Variants in GP6 observed in about 807,000 individuals in gnomAD.
GP6 encodes platelet glycoprotein VI.
GP6 carries 45 observed loss-of-function variants against 37.3 expected under a neutral mutation model. The ratio of observed to expected loss-of-function variants is 1.21; its 90% CI spans 0.95 to 1.55. GP6 has a LOEUF of 1.55. Among genes scored for constraint, GP6 ranks in the 40% most tolerant of loss-of-function variants. GP6 has a pLI of 0.00. For synonymous variants in GP6, 340 were observed against 316.4 expected (o/e 1.07, Z -0.79); for missense variants, 813 against 760.2 (o/e 1.07, Z -0.82).
intron 2 of GP6, 35 bp from the exon 3 acceptor site, chr19:55,032,431 C>CAGACCCCGCCT (rs2074599901): frequency 6.2e-7 from 1 of 1,611,508 alleles, no homozygotes; most frequent in Non-Finnish European, 8.5e-7. Flanking sequence ...AGCCTCCCCG[C>CAGACCCCGCCT]AGACCCCGCC....
At chr19:55,024,265 T>C (rs200950822) in intron 5 of GP6, among the ~76,000 whole-genome samples, 604 of 28,140 alleles carry the variant, frequency 0.021, 10 homozygotes, top group African/African-American at 0.04. Context: ...CACGCACACA[T>C]ATGCACGCAT....
In GP6 at chr19:55,014,507, GA is replaced by G. The variant is rs1416422149; in HGVS notation, c.1437del (p.Leu480CysfsTer21). On this transcript the variant is annotated frameshift_variant, in exon 8 of 8. Transcript: ENST00000310373. LOFTEE classifies it low-confidence loss of function (END_TRUNC). Reference sequence around the variant, plus strand: ...CTGGGGAAAACCAGACAAGAGCACAGAGGGCCAAAGGGAAGCACGGGAGGAT... The same window carrying G: ...CTGGGGAAAACCAGACAAGAGCACAGGGGCCAAAGGGAAGCACGGGAGGAT... 12 of 1,613,946 alleles carry G rather than the reference GA, an allele frequency of 7.4e-6. No individual in the cohort carries two copies. Among genetic ancestry groups the G allele is most frequent in the Non-Finnish European group, 1.0e-5 (12 of 1,179,922 alleles).
intron 6 of GP6, among the ~76,000 whole-genome samples, chr19:55,017,132 T>TC (rs905202978): frequency 7.3e-5 from 11 of 151,460 alleles, no homozygotes; most frequent in Non-Finnish European, 1.2e-4. Flanking sequence ...TTTTTTTTTT[T>TC]TTAATACGGA....
chr19:55,015,111 G>T lies in GP6; in HGVS notation c.834C>A (p.Gly278=). ...CCCCGCCAGGATTATTAGGATCACA[G>T]CCCCGAGGCATATCCGGACCAGGTT... Residue 278 remains glycine, a synonymous_variant, in exon 8 of 8, where the codon GGC becomes GGA. Transcript: ENST00000310373. The T allele has an allele frequency of 6.3e-7, 1 of 1,587,102 alleles. No homozygotes were observed.
rs1555798950 is a variant in GP6, at chr19:55,024,342, G to GCACATGCACACGCA, written c.664+875_664+876insTGCGTGTGCATGTG. ...CACACACACATATGCACGCACACAC[G>GCACATGCACACGCA]CACATGCACGCACACACACATATGC... On this transcript the variant is annotated intron_variant, in intron 5 of 7. Transcript: ENST00000310373. Among the ~76,000 whole-genome samples the GCACATGCACACGCA allele has an allele frequency of 1.7e-4, 3 of 17,918 alleles. No homozygotes were observed. The South Asian group carries it at 5.4e-3, about 32-fold the overall frequency. 11.8% of individuals were successfully genotyped at this position (17,918 alleles called of 152,430 possible). A position where few individuals can be genotyped will look rare whatever the true frequency, so the allele number is the denominator to read the frequency against.
At chr19:55,018,400 GT>G (rs2073952851) in intron 6 of GP6, among the ~76,000 whole-genome samples, 1 of 152,212 alleles carries the variant, frequency 6.6e-6, no homozygotes, top group South Asian at 2.1e-4. Context: ...GGAGCAGTGC[GT>G]AGGGATGGCG....
chr19:55,037,589 G>A (rs1301384288), intron 1 of GP6, among the ~76,000 whole-genome samples: 14 of 147,042 alleles, frequency 9.5e-5, no homozygotes, highest in Non-Finnish European at 4.5e-5. Flanking sequence ...CACCCGCCTC[G>A]GCCTCCCAAA....
At chr19:55,021,754 T>C (rs1387913720) in intron 5 of GP6, among the ~76,000 whole-genome samples, 1 of 151,982 alleles carries the variant, frequency 6.6e-6, no homozygotes, top group East Asian at 1.9e-4. Flanking sequence ...TCTCCTGACC[T>C]TGTGATCTGC....
chr19:55,023,827 G>A (rs2074168109), intron 5 of GP6, among the ~76,000 whole-genome samples: 1 of 152,110 alleles, frequency 6.6e-6, no homozygotes, highest in South Asian at 2.1e-4. Flanking sequence ...AGTGACAAAA[G>A]GATATCTCAA....
At chr19:55,022,705 T>A (rs938081754) in intron 5 of GP6, among the ~76,000 whole-genome samples, 43 of 152,266 alleles carry the variant, frequency 2.8e-4, no homozygotes, top group Non-Finnish European at 4.7e-4. Context: ...AGCATTCCTA[T>A]ACACCAACAA....
chr19:55,029,537 T>A, intron 3 of GP6, among the ~76,000 whole-genome samples: 1 of 150,088 alleles, frequency 6.7e-6, no homozygotes. Context: ...ACTACAGGCA[T>A]GCACCACCAT....
intron 3 of GP6, among the ~76,000 whole-genome samples, chr19:55,028,652 G>A (rs1485470502): frequency 6.6e-6 from 1 of 152,100 alleles, no homozygotes; most frequent in African/African-American, 2.4e-5. Flanking sequence ...CCTCAACAAA[G>A]CTGGACATAT....
At chr19:55,034,965 TC>T (rs2074774060) in intron 1 of GP6, among the ~76,000 whole-genome samples, 1 of 152,108 alleles carries the variant, frequency 6.6e-6, no homozygotes. Context: ...CGCTTCTCTG[TC>T]CCCCTCCTCC....
At chr19:55,034,735 A>ACG (rs2074763472) in intron 1 of GP6, among the ~76,000 whole-genome samples, 1 of 151,744 alleles carries the variant, frequency 6.6e-6, no homozygotes, top group African/African-American at 2.4e-5. Flanking sequence ...ACACACACAC[A>ACG]CACACACACA....
At chr19:55,037,520 A>G (rs931204794) in intron 1 of GP6, among the ~76,000 whole-genome samples, 1 of 149,610 alleles carries the variant, frequency 6.7e-6, no homozygotes. Flanking sequence ...TATTTTTAGT[A>G]GAGATGGGGT....
In GP6 at chr19:55,013,979, C is replaced by T. The variant is rs868633613; in HGVS notation, c.*103G>A. On this transcript the variant is annotated 3_prime_UTR_variant, in exon 8 of 8. Transcript: ENST00000310373. ...AAAGTAAATATGAGAGGGGTGGAGA[C>T]GGTGCATTATCTTATTTTTATGATT... is the stretch of plus-strand genomic sequence containing the variant. 63 of 447,564 alleles carry T rather than the reference C, an allele frequency of 1.4e-4. No homozygotes were observed. The highest frequency in any genetic ancestry group is 7.9e-4 in the East Asian group (12 of 15,208). 27.7% of individuals were successfully genotyped at this position (447,564 alleles called of 1,614,324 possible).
intron 1 of GP6, 45 bp downstream of exon 1, chr19:55,038,158 A>C (rs777647129): frequency 2.7e-6 from 4 of 1,490,834 alleles, no homozygotes; most frequent in South Asian, 1.2e-5. Context: ...CTGGCAGTCC[A>C]TGCCTGTCCT....
chr19:55,031,212 T>G (rs549508165), intron 3 of GP6, among the ~76,000 whole-genome samples: 60 of 152,334 alleles, frequency 3.9e-4, no homozygotes, highest in African/African-American at 1.4e-3. Context: ...GGGTGAAATA[T>G]TTCCATTAAT....
chr19:55,037,944 C>T (rs1380382718), intron 1 of GP6, among the ~76,000 whole-genome samples: 1 of 151,988 alleles, frequency 6.6e-6, no homozygotes, highest in Admixed American at 6.6e-5. Context: ...AAAGGGGCAA[C>T]TGCAGTGTAG....
Sources: gnomAD v4.1 joint callset for allele counts (sites outside exome capture counted in the v4.1 genomes callset) on GRCh38, gnomAD v4.1.1 for gene constraint, MANE v1.5 for transcripts, NCBI Gene and HGNC (gene_info 2026-07-23, HGNC 2026-07-21) for gene names.